The following LRRTM3 variants were observed in gnomAD, a reference collection of about 807,000 sequenced individuals.
The protein encoded by LRRTM3 is leucine rich repeat transmembrane neuronal 3.
Under a neutral mutation model 44.7 loss-of-function variants are expected in LRRTM3, and 24 were observed. The observed-to-expected ratio is 0.54, with a 90% CI of 0.39 to 0.76. LRRTM3 has a LOEUF of 0.76. Among genes scored for constraint, LRRTM3 ranks in the 30% least tolerant of loss-of-function variants. LRRTM3 has a pLI of 0.00. For synonymous variants in LRRTM3, 277 were observed against 278.7 expected (o/e 0.99, Z 0.06); for missense variants, 587 against 702.2 (o/e 0.84, Z 1.85).
intron 2 of LRRTM3, among the ~76,000 whole-genome samples, chr10:66,955,885 G>T (rs2132743625): frequency 6.6e-6 from 1 of 152,176 alleles, no homozygotes; most frequent in East Asian, 1.9e-4. Context: ...TCTGACTGGG[G>T]GGTATCTTTC....
intron 2 of LRRTM3, among the ~76,000 whole-genome samples, chr10:66,988,811 T>C (rs1473286177): frequency 1.3e-5 from 2 of 152,054 alleles, no homozygotes; most frequent in African/African-American, 4.8e-5. Flanking sequence ...ATATAATCAA[T>C]AGATCATTAT....
intron 2 of LRRTM3, among the ~76,000 whole-genome samples, chr10:67,086,154 C>T (rs1442580468): frequency 1.3e-5 from 2 of 151,820 alleles, no homozygotes; most frequent in Non-Finnish European, 2.9e-5. Flanking sequence ...GTGGAAGAAA[C>T]AGTATATTTT....
At chr10:67,047,856 G>T (rs1002997125) in intron 2 of LRRTM3, among the ~76,000 whole-genome samples, 2 of 151,850 alleles carry the variant, frequency 1.3e-5, no homozygotes, top group African/African-American at 4.8e-5. Flanking sequence ...CCTGCTCTTA[G>T]TTCAATGTCA....
chr10:67,089,629 A>G (rs1857507132), intron 2 of LRRTM3, among the ~76,000 whole-genome samples: 1 of 152,202 alleles, frequency 6.6e-6, no homozygotes, highest in South Asian at 2.1e-4. Flanking sequence ...CAAAGAAAAA[A>G]GATGGCTACC....
chr10:67,028,151 G>T lies in LRRTM3; in HGVS notation c.1537-69436G>T, dbSNP rs114371473. Among the ~76,000 whole-genome samples, 879 of 152,246 alleles carry T rather than the reference G, an allele frequency of 5.8e-3. 10 individuals carry two copies. The highest frequency in any genetic ancestry group is 0.02 in the African/African-American group (836 of 41,534). On this transcript the variant is annotated intron_variant, in intron 2 of 2. Transcript: ENST00000361320. ...GATGAGTGTATGCTGCACTGCATTG[G>T]ACAACTTTATATGGAGCCCAACCTT...
chr10:66,997,563 T>C (rs188920614), intron 2 of LRRTM3, among the ~76,000 whole-genome samples: 1 of 152,286 alleles, frequency 6.6e-6, no homozygotes, highest in East Asian at 1.9e-4. Context: ...TCTTAATATG[T>C]ATTCATGTAA....
chr10:66,948,034 A>G (rs1420871843), intron 2 of LRRTM3, among the ~76,000 whole-genome samples: 2 of 152,362 alleles, frequency 1.3e-5, no homozygotes, highest in East Asian at 1.9e-4. Flanking sequence ...TTTGTAACAC[A>G]ATGGTATTTG....
At chr10:67,042,784 T>A (rs1408909597) in intron 2 of LRRTM3, among the ~76,000 whole-genome samples, 1 of 152,032 alleles carries the variant, frequency 6.6e-6, no homozygotes, top group Non-Finnish European at 1.5e-5. Context: ...AACAAAGAAG[T>A]CCATGGTGTC....
intron 2 of LRRTM3, among the ~76,000 whole-genome samples, chr10:66,976,183 T>A (rs927567187): frequency 1.3e-5 from 2 of 152,168 alleles, no homozygotes; most frequent in Non-Finnish European, 2.9e-5. Context: ...TAATTTAAAG[T>A]AACTCATGAA....
chr10:67,053,987 T>C (rs960635086), intron 2 of LRRTM3, among the ~76,000 whole-genome samples: 3 of 151,568 alleles, frequency 2.0e-5, no homozygotes, highest in East Asian at 3.9e-4. Context: ...GAAAAGTAAC[T>C]CCCTCCCCTA....
chr10:66,938,907 C>T (rs1456548316), intron 2 of LRRTM3, among the ~76,000 whole-genome samples: 7 of 152,128 alleles, frequency 4.6e-5, no homozygotes, highest in Non-Finnish European at 7.4e-5. Context: ...TGTTTAAAAG[C>T]CATACATTTG....
intron 2 of LRRTM3, among the ~76,000 whole-genome samples, chr10:67,025,303 C>G (rs888270267): frequency 6.6e-6 from 1 of 151,634 alleles, no homozygotes; most frequent in Non-Finnish European, 1.5e-5. Context: ...GTTTGATTAG[C>G]TCATAAGCCT....
chr10:67,100,891 T>C lies in LRRTM3; in HGVS notation c.*3095T>C, dbSNP rs1858298365. ...ATTTACAGGCTGTTAGTCTTTCCACTGTACTAAAAGATTTCTTTCTCTGAT... is the reference window on the plus strand; with the variant it reads ...ATTTACAGGCTGTTAGTCTTTCCACCGTACTAAAAGATTTCTTTCTCTGAT... On this transcript the variant is annotated 3_prime_UTR_variant, in exon 3 of 3. Coordinates refer to ENST00000361320, the MANE Select transcript of LRRTM3 (RefSeq NM_178011.5). Among the ~76,000 whole-genome samples, 1 of 151,770 alleles carries C rather than the reference T, an allele frequency of 6.6e-6. No individual in the cohort carries two copies. The highest frequency in any genetic ancestry group is 6.6e-5 in the Admixed American group (1 of 15,178).
chr10:66,966,287 A>G (rs1166699280), intron 2 of LRRTM3, among the ~76,000 whole-genome samples: 1 of 152,174 alleles, frequency 6.6e-6, no homozygotes, highest in African/African-American at 2.4e-5. Context: ...AATTAAATTA[A>G]TCTTTTAAGT....
At chr10:67,069,506 G>A (rs1856305119) in intron 2 of LRRTM3, among the ~76,000 whole-genome samples, 1 of 151,982 alleles carries the variant, frequency 6.6e-6, no homozygotes, top group South Asian at 2.1e-4. Context: ...ATACATCTAT[G>A]TAAGCAATAT....
At chr10:66,939,888 T>C (rs1847905627) in intron 2 of LRRTM3, among the ~76,000 whole-genome samples, 2 of 152,244 alleles carry the variant, frequency 1.3e-5, no homozygotes, top group Admixed American at 6.5e-5. Flanking sequence ...TTCCAAGAAC[T>C]GCAATCCTCA....
chr10:67,055,342 T>G (rs1477249194), intron 2 of LRRTM3, among the ~76,000 whole-genome samples: 5 of 152,184 alleles, frequency 3.3e-5, no homozygotes, highest in Admixed American at 6.5e-5. Flanking sequence ...AAAGATTTTA[T>G]GAGGCTAGAG....
intron 2 of LRRTM3, among the ~76,000 whole-genome samples, chr10:67,003,860 T>C (rs1851817381): frequency 6.6e-6 from 1 of 152,180 alleles, no homozygotes; most frequent in South Asian, 2.1e-4. Flanking sequence ...ACATTTGCAA[T>C]GCATCAGCCA....
chr10:67,089,116 G>C (rs573504113), intron 2 of LRRTM3, among the ~76,000 whole-genome samples: 1 of 151,940 alleles, frequency 6.6e-6, no homozygotes, highest in South Asian at 2.1e-4. Flanking sequence ...AAACCTAAGG[G>C]ACCCCCCATA....
Sources: gnomAD v4.1 joint callset for allele counts (sites outside exome capture counted in the v4.1 genomes callset) on GRCh38, gnomAD v4.1.1 for gene constraint, MANE v1.5 for transcripts, NCBI Gene and HGNC (gene_info 2026-07-23, HGNC 2026-07-21) for gene names.